The following MCTP1 variants were observed in gnomAD, a reference collection of about 807,000 sequenced individuals.
MCTP1 encodes the protein multiple C2 and transmembrane domain-containing protein 1.
Under a neutral mutation model 120.6 loss-of-function variants are expected in MCTP1, and 69 were observed. That is an observed-to-expected ratio of 0.57 (90% CI 0.47 to 0.70). The LOEUF is 0.70. MCTP1 is among the 30% of genes least tolerant of loss of function. The probability of loss-of-function intolerance (pLI) is 0.00; values close to 1 mark genes in which losing one functional copy is unlikely to be tolerated. For missense variants in MCTP1, 1,203 were observed against 1,248.8 expected, an observed-to-expected ratio of 0.96 and a Z score of 0.55; for synonymous variants, 529 against 493.1, an observed-to-expected ratio of 1.07 and a Z score of -0.96.
rs1342065367 is a variant in MCTP1, at chr5:94,912,846, TA to T, written c.1480del (p.Tyr494ThrfsTer2). On this transcript the variant is annotated frameshift_variant, in exon 9 of 23. Transcript: ENST00000515393. LOFTEE classifies it high-confidence loss of function. ...CTGATGCCCAAGCCGGAACTTCACG[TA>T]GGGATCGCTCAACCCGTTGGAATCC... The part of the protein sequence containing the change: ...AMDSNGLSDP[Y>X]VKFRLGHQKY... 1.3e-6 allele frequency: 2 copies of T among 1,584,464 alleles called. No individual in the cohort carries two copies. The highest frequency in any genetic ancestry group is 2.7e-5 in the African/African-American group (2 of 72,856).
At chr5:94,920,783 A>AAAT (rs1811459224) in intron 7 of MCTP1, among the ~76,000 whole-genome samples, 2 of 150,468 alleles carry the variant, frequency 1.3e-5, no homozygotes. Flanking sequence ...ATAAATAAAT[A>AAAT]AATAATAAAA....
At chr5:95,268,892 G>T (rs1256651010) in intron 1 of MCTP1, among the ~76,000 whole-genome samples, 2 of 152,294 alleles carry the variant, frequency 1.3e-5, no homozygotes, top group Middle Eastern at 6.8e-3. Flanking sequence ...CCATCGCTGG[G>T]TCAGGGTCTG....
chr5:94,754,564 T>G (rs945282253), intron 19 of MCTP1, among the ~76,000 whole-genome samples: 24 of 152,194 alleles, frequency 1.6e-4, no homozygotes, highest in African/African-American at 5.8e-4. Context: ...AAAGCAGACT[T>G]CATCCAAAGC....
chr5:95,084,163 ACC>A (rs778374934), intron 1 of MCTP1, among the ~76,000 whole-genome samples: 6 of 152,078 alleles, frequency 3.9e-5, no homozygotes, highest in African/African-American at 7.2e-5. Flanking sequence ...TCAGTTTATT[ACC>A]TCCTGCATAA....
intron 16 of MCTP1, among the ~76,000 whole-genome samples, chr5:94,869,550 G>GT (rs2069911068): frequency 6.6e-6 from 1 of 151,912 alleles, no homozygotes; most frequent in African/African-American, 2.4e-5. Context: ...TATTGCATTT[G>GT]TAACTCACAC....
chr5:94,785,436 G>A (rs571174356), intron 18 of MCTP1, among the ~76,000 whole-genome samples: 3 of 152,086 alleles, frequency 2.0e-5, no homozygotes, highest in African/African-American at 7.2e-5. Context: ...CCTGGAATGT[G>A]CTTTTTAAAT....
At chr5:95,214,703 T>A (rs1178880) in intron 1 of MCTP1, among the ~76,000 whole-genome samples, 2 of 152,068 alleles carry the variant, frequency 1.3e-5, no homozygotes, top group East Asian at 1.9e-4. Context: ...TGATGAGTTC[T>A]TGTCCTTTGT....
At chr5:95,199,687 G>A (rs1045721271) in intron 1 of MCTP1, among the ~76,000 whole-genome samples, 5 of 152,018 alleles carry the variant, frequency 3.3e-5, no homozygotes, top group African/African-American at 9.6e-5. Flanking sequence ...GTGAAATCCC[G>A]TCTCTATTAA....
Position 94,832,359 on chromosome 5 carries a change from T to C in MCTP1, c.2437-33227A>G, listed in dbSNP as rs113405829. Among the ~76,000 whole-genome samples, 1,142 of 152,240 alleles carry C rather than the reference T, an allele frequency of 7.5e-3. 10 individuals carry two copies. Among genetic ancestry groups the C allele is most frequent in the Middle Eastern group, 0.017 (5 of 294 alleles). ...CTTTCTTCAATGTAAGAAAAGAAAGTTCCCAGGTAATCACCGCACCTTCCC... is the reference window on the plus strand; with the variant it reads ...CTTTCTTCAATGTAAGAAAAGAAAGCTCCCAGGTAATCACCGCACCTTCCC... On this transcript the variant is annotated intron_variant, in intron 17 of 22. Transcript: ENST00000515393.
At chr5:94,910,470 G>A (rs1248056541) in intron 9 of MCTP1, among the ~76,000 whole-genome samples, 1 of 151,960 alleles carries the variant, frequency 6.6e-6, no homozygotes, top group Non-Finnish European at 1.5e-5. Flanking sequence ...GCATGCAGTG[G>A]CCTTTTCTCT....
chr5:95,221,416 C>G (rs1014073427), intron 1 of MCTP1, among the ~76,000 whole-genome samples: 1 of 152,148 alleles, frequency 6.6e-6, no homozygotes, highest in African/African-American at 2.4e-5. Flanking sequence ...TGCACAGGGA[C>G]CGAAACAGAA....
At chr5:95,007,537 C>G (rs985810312) in intron 2 of MCTP1, among the ~76,000 whole-genome samples, 1 of 152,144 alleles carries the variant, frequency 6.6e-6, no homozygotes, top group Non-Finnish European at 1.5e-5. Flanking sequence ...TCATAAATTA[C>G]ATTCTAAGGA....
At chr5:95,115,722 A>G (rs771260134) in intron 1 of MCTP1, among the ~76,000 whole-genome samples, 4 of 152,166 alleles carry the variant, frequency 2.6e-5, no homozygotes, top group Non-Finnish European at 4.4e-5. Context: ...AGTTTATTCA[A>G]AGAGATAATA....
In MCTP1 at chr5:94,958,982, G is replaced by C. The variant is rs544046522; in HGVS notation, c.839-5621C>G. ...GACACAACAAAAAAAGGAAATGTCA[G>C]GCCAATCTCCCTGATGAACATTGAT... is the stretch of plus-strand genomic sequence containing the variant. On this transcript the variant is annotated intron_variant, in intron 2 of 22. Coordinates refer to ENST00000515393, the MANE Select transcript of MCTP1 (RefSeq NM_024717.7). 3.3e-5 allele frequency among the ~76,000 whole-genome samples: 5 copies of C among 152,186 alleles called. No individual in the cohort carries two copies. In the East Asian group the frequency reaches 9.6e-4, roughly 29 times the overall value.
intron 2 of MCTP1, among the ~76,000 whole-genome samples, chr5:95,016,618 C>T (rs929889067): frequency 3.9e-5 from 6 of 151,938 alleles, no homozygotes; most frequent in Middle Eastern, 3.2e-3. Context: ...GAGTTACATC[C>T]AAACTCAGCC....
At chr5:95,043,707 T>G (rs1334884011) in intron 1 of MCTP1, among the ~76,000 whole-genome samples, 1 of 152,190 alleles carries the variant, frequency 6.6e-6, no homozygotes, top group African/African-American at 2.4e-5. Flanking sequence ...CTATTTGCCA[T>G]TAATCTGTAT....
intron 1 of MCTP1, chr5:95,081,781 T>C (rs1754978804): frequency 9.0e-7 from 1 of 1,113,722 alleles, no homozygotes; most frequent in Non-Finnish European, 1.1e-6. Flanking sequence ...ACATCATATC[T>C]GGGGTTCTAA....
intron 17 of MCTP1, among the ~76,000 whole-genome samples, chr5:94,811,192 C>G (rs1554103854): frequency 6.6e-6 from 1 of 152,152 alleles, no homozygotes; most frequent in Non-Finnish European, 1.5e-5. Flanking sequence ...TCCATTCCAT[C>G]TTTTACCCTT....
chr5:94,735,775 GC>G (rs1486280876), intron 19 of MCTP1, among the ~76,000 whole-genome samples: 1 of 115,228 alleles, frequency 8.7e-6, no homozygotes, highest in East Asian at 2.5e-4. Context: ...CACCAAAATT[GC>G]TACACTAAAA....
Sources: allele counts gnomAD v4.1 joint callset (sites outside exome capture counted in the v4.1 genomes callset), GRCh38; gene constraint gnomAD v4.1.1; transcripts MANE v1.5; gene names NCBI Gene and HGNC (gene_info 2026-07-23, HGNC 2026-07-21).